BEND6: variants seen among roughly 807,000 people sequenced by gnomAD.
BEND6 encodes BEN domain containing 6, also known as BEN domain-containing protein 6.
A neutral mutation model predicts 31.8 loss-of-function variants in BEND6; 24 were observed. The observed-to-expected ratio is 0.75, with a 90% CI of 0.55 to 1.06. BEND6 has a LOEUF of 1.06. BEND6 is among the 50% of genes least tolerant of loss of function. BEND6 has a pLI of 0.00. For missense variants in BEND6, 294 were observed against 327.4 expected (o/e 0.90, Z 0.79); for synonymous variants, 109 against 114.6 (o/e 0.95, Z 0.31).
At chr6:57,004,438 T>A (rs1287263618) in intron 3 of BEND6, 26 of 586,386 alleles carry the variant, frequency 4.4e-5, no homozygotes, top group Non-Finnish European at 7.8e-5. Flanking sequence ...CCCAGCTGGC[T>A]GCCCATAGCC....
chr6:57,009,354 A>G (rs1342687872), intron 3 of BEND6: 1 of 152,190 alleles, frequency 6.6e-6, no homozygotes, highest in Non-Finnish European at 1.5e-5. Flanking sequence ...TCTGACCTTT[A>G]TACATTATAT....
At chr6:56,960,184 A>G (rs1203646261) in intron 1 of BEND6, among the ~76,000 whole-genome samples, 5 of 152,238 alleles carry the variant, frequency 3.3e-5, no homozygotes, top group African/African-American at 1.2e-4. Context: ...TCATAGTTGT[A>G]TGAACTGCCA....
intron 3 of BEND6, among the ~76,000 whole-genome samples, chr6:56,993,879 C>A (rs1009197015): frequency 6.6e-6 from 1 of 152,092 alleles, no homozygotes; most frequent in Middle Eastern, 3.4e-3. Flanking sequence ...TTAAATTTTT[C>A]ATAGAGATGG....
intron 3 of BEND6, among the ~76,000 whole-genome samples, chr6:57,007,050 G>T (rs1241888753): frequency 6.6e-6 from 1 of 152,122 alleles, no homozygotes; most frequent in East Asian, 1.9e-4. Context: ...AACACTTTGG[G>T]GGGCCGAGGT....
chr6:56,991,700 A>AAT (rs1285975035), intron 2 of BEND6, among the ~76,000 whole-genome samples: 1 of 152,066 alleles, frequency 6.6e-6, no homozygotes, highest in African/African-American at 2.4e-5. Flanking sequence ...AGGGAAGTGT[A>AAT]ATATATATAC....
Position 57,020,840 on chromosome 6 carries a change from T to TG in BEND6, c.*9+2283_*9+2284insG, listed in dbSNP as rs1313963282. Among the ~76,000 whole-genome samples the TG allele has an allele frequency of 5.0e-3, 730 of 145,462 alleles. 4 individuals are homozygous for TG. Among genetic ancestry groups the TG allele is most frequent in the African/African-American group, 0.016 (645 of 39,610 alleles). ...TTGATATCCTAAACTCTTGTTTTTT[T>TG]TTTTTTTTTTTTTTAATATTTCTGA... On this transcript the variant is annotated intron_variant, in intron 6 of 6. Coordinates refer to ENST00000370746, the MANE Select transcript of BEND6 (RefSeq NM_152731.3).
chr6:57,021,981 C>T (rs540827526), intron 6 of BEND6, among the ~76,000 whole-genome samples: 2 of 152,130 alleles, frequency 1.3e-5, no homozygotes, highest in African/African-American at 4.8e-5. Flanking sequence ...TGCTAAACAT[C>T]GTTGTTGAAT....
At chr6:57,000,563 T>A in intron 3 of BEND6, among the ~76,000 whole-genome samples, 1 of 134,454 alleles carries the variant, frequency 7.4e-6, no homozygotes. Flanking sequence ...CCAAGAATGA[T>A]CAATAAATAC....
chr6:57,004,200 T>G (rs765989549), intron 3 of BEND6, among the ~76,000 whole-genome samples: 1 of 151,920 alleles, frequency 6.6e-6, no homozygotes, highest in Non-Finnish European at 1.5e-5. Flanking sequence ...GAGAAAGAAA[T>G]AAAAGGCATC....
chr6:56,964,129 A>C (rs533454245), intron 1 of BEND6, among the ~76,000 whole-genome samples: 9 of 151,464 alleles, frequency 5.9e-5, no homozygotes, highest in Non-Finnish European at 1.3e-4. Flanking sequence ...AGATGGAGAG[A>C]CAGAAGCACA....
chr6:57,022,638 G>A (rs1279219643), intron 6 of BEND6, among the ~76,000 whole-genome samples: 2 of 150,446 alleles, frequency 1.3e-5, no homozygotes, highest in African/African-American at 2.4e-5. Context: ...TTGTTTTTTG[G>A]CTCTGATCTT....
chr6:56,996,563 A>C (rs1321310609), intron 3 of BEND6, among the ~76,000 whole-genome samples: 2 of 152,216 alleles, frequency 1.3e-5, no homozygotes, highest in African/African-American at 4.8e-5. Context: ...TGCATGCTTA[A>C]CATGACTGAT....
intron 2 of BEND6, among the ~76,000 whole-genome samples, chr6:56,991,146 T>G (rs998244134): frequency 6.6e-6 from 1 of 152,218 alleles, no homozygotes; most frequent in Non-Finnish European, 1.5e-5. Flanking sequence ...TAATTAAGCC[T>G]TCTTATCTCT....
Position 56,977,027 on chromosome 6 carries a change from A to T in BEND6, c.-100-4684A>T, listed in dbSNP as rs138145132. ...GGACTATCTCATTTTTCATCACAGC[A>T]GAATTTCTTCACACAAATTAAAAAA... On this transcript the variant is annotated intron_variant, in intron 1 of 6. Transcript: ENST00000370746. Among the ~76,000 whole-genome samples, 237 of 152,386 alleles carry T rather than the reference A, an allele frequency of 1.6e-3. 3 individuals are homozygous for T. In the East Asian group the frequency reaches 0.036, roughly 23 times the overall value.
chr6:57,004,686 G>A, intron 3 of BEND6: 1 of 1,520,376 alleles, frequency 6.6e-7, no homozygotes, highest in Non-Finnish European at 9.0e-7. Flanking sequence ...ATGTGAATCA[G>A]TCACTACTGG....
At chr6:56,969,382 A>T (rs1051118130) in intron 1 of BEND6, among the ~76,000 whole-genome samples, 1 of 152,204 alleles carries the variant, frequency 6.6e-6, no homozygotes, top group African/African-American at 2.4e-5. Flanking sequence ...TAAAACTAGT[A>T]GTCCGTTTTA....
intron 3 of BEND6, chr6:57,004,570 C>A: frequency 1.1e-6 from 1 of 909,738 alleles, no homozygotes; most frequent in Non-Finnish European, 1.8e-6. Flanking sequence ...GCCAGAACTA[C>A]CACCAGGACT....
chr6:57,023,081 A>T (rs1477495052), intron 6 of BEND6, among the ~76,000 whole-genome samples: 3 of 152,222 alleles, frequency 2.0e-5, no homozygotes, highest in Non-Finnish European at 2.9e-5. Flanking sequence ...TGTTAATGAA[A>T]ACAATGTGTA....
intron 6 of BEND6, among the ~76,000 whole-genome samples, chr6:57,021,591 A>T (rs552689039): frequency 1.3e-5 from 2 of 152,208 alleles, no homozygotes; most frequent in Non-Finnish European, 2.9e-5. Context: ...TAGCTCTCAC[A>T]TGCAAGAGCT....
Sources: allele counts gnomAD v4.1 joint callset (sites outside exome capture counted in the v4.1 genomes callset), GRCh38; gene constraint gnomAD v4.1.1; transcripts MANE v1.5; gene names NCBI Gene and HGNC (gene_info 2026-07-23, HGNC 2026-07-21).